The following APBB1IP variants were observed in gnomAD, a reference collection of about 807,000 sequenced individuals.
APBB1IP encodes amyloid beta A4 precursor protein-binding family B member 1-interacting protein.
In APBB1IP, 27 loss-of-function variants were observed where a neutral mutation model predicts 64.9. That is an observed-to-expected ratio of 0.42 (90% confidence interval 0.31 to 0.57). The LOEUF (loss-of-function observed/expected upper bound fraction) is 0.57. APBB1IP is among the 20% of genes least tolerant of loss of function. The pLI, the probability that APBB1IP is intolerant of heterozygous loss-of-function variation, is 0.20. For missense variants in APBB1IP, 812 were observed against 845.5 expected, an observed-to-expected ratio of 0.96 and a Z score of 0.49; for synonymous variants, 392 against 331.0, an observed-to-expected ratio of 1.18 and a Z score of -2.00.
At chr10:26,460,538 A>T (rs1329184293) in intron 2 of APBB1IP, among the ~76,000 whole-genome samples, 1 of 152,164 alleles carries the variant, frequency 6.6e-6, no homozygotes, top group Non-Finnish European at 1.5e-5. Context: ...TAGCAAAGAC[A>T]TGGAATCAGC....
At chr10:26,535,626 T>C (rs1836611473) in intron 9 of APBB1IP, among the ~76,000 whole-genome samples, 1 of 152,352 alleles carries the variant, frequency 6.6e-6, no homozygotes, top group South Asian at 2.1e-4. Context: ...TAATAATTGT[T>C]CTATTTACCA....
At chr10:26,545,434 G>A (rs1190866131) in intron 11 of APBB1IP, among the ~76,000 whole-genome samples, 3 of 151,970 alleles carry the variant, frequency 2.0e-5, no homozygotes, top group African/African-American at 2.4e-5. Flanking sequence ...AGACCACCCT[G>A]GCCAAAATGG....
intron 11 of APBB1IP, among the ~76,000 whole-genome samples, chr10:26,547,941 T>G (rs1836787328): frequency 6.6e-6 from 1 of 152,212 alleles, no homozygotes; most frequent in Non-Finnish European, 1.5e-5. Context: ...ACACCTTTGT[T>G]GAAAATCAGT....
At chr10:26,510,952 G>A (rs1179329116) in intron 6 of APBB1IP, among the ~76,000 whole-genome samples, 2 of 152,022 alleles carry the variant, frequency 1.3e-5, no homozygotes, top group Non-Finnish European at 1.5e-5. Flanking sequence ...GAGAATTGTA[G>A]ATTAACCAAC....
intron 14 of APBB1IP, among the ~76,000 whole-genome samples, chr10:26,564,042 G>GA (rs1431104379): frequency 6.8e-6 from 1 of 147,030 alleles, no homozygotes; most frequent in African/African-American, 2.4e-5. Flanking sequence ...TAAATAAAAA[G>GA]AAAAAATACA....
intron 2 of APBB1IP, among the ~76,000 whole-genome samples, chr10:26,454,531 C>A (rs963512029): frequency 7.0e-5 from 10 of 142,682 alleles, no homozygotes; most frequent in African/African-American, 2.8e-4. Context: ...CAATTGAACT[C>A]ATGGAGGTAG....
Position 26,567,646 on chromosome 10 carries a change from A to G in APBB1IP, c.*158A>G, listed in dbSNP as rs992155669. On this transcript the variant is annotated 3_prime_UTR_variant, in exon 15 of 15. Transcript: ENST00000376236. ...GTACAGGCATAACCATTAACCCAGT[A>G]GAGTTCAGAATATCTGCCCAAATGT... The G allele has an allele frequency of 4.3e-6, 6 of 1,390,524 alleles. No homozygotes were observed. In the Admixed American group the frequency reaches 9.6e-5, roughly 22 times the overall value. 86.1% of individuals were successfully genotyped at this position (1,390,524 alleles called of 1,614,324 possible).
chr10:26,500,384 G>A (rs1836082051), intron 4 of APBB1IP, among the ~76,000 whole-genome samples: 1 of 152,128 alleles, frequency 6.6e-6, no homozygotes, highest in African/African-American at 2.4e-5. Flanking sequence ...AATAGCAGCA[G>A]TACTCTCTTT....
intron 2 of APBB1IP, among the ~76,000 whole-genome samples, chr10:26,448,491 A>G (rs1835426499): frequency 6.6e-6 from 1 of 152,244 alleles, no homozygotes; most frequent in Non-Finnish European, 1.5e-5. Context: ...TGGGCAGTGC[A>G]GATTGAGATA....
rs1835638020 is a variant in APBB1IP at position 26,465,471 on chromosome 10, T to TA, written c.-1+26619dup. On this transcript the variant is annotated intron_variant, in intron 2 of 14. Coordinates refer to ENST00000376236, the MANE Select transcript of APBB1IP (RefSeq NM_019043.4). ...GTAATAATGCTGACATTTTATATAT[T>TA]ATGTGTCATAATGATATAATAATTA... Among the ~76,000 whole-genome samples, 6 of 152,238 alleles carry TA rather than the reference T, an allele frequency of 3.9e-5. No homozygotes were observed. The South Asian group carries it at 1.0e-3, about 26-fold the overall frequency.
At chr10:26,525,143 G>A (rs191004795) in intron 8 of APBB1IP, among the ~76,000 whole-genome samples, 15 of 151,452 alleles carry the variant, frequency 9.9e-5, no homozygotes, top group Non-Finnish European at 1.5e-4. Flanking sequence ...TTAGCTGGGC[G>A]GGGTGACACA....
At chr10:26,442,511 A>G (rs1589186684) in intron 2 of APBB1IP, among the ~76,000 whole-genome samples, 1 of 152,206 alleles carries the variant, frequency 6.6e-6, no homozygotes, top group East Asian at 1.9e-4. Flanking sequence ...TAAAAGCTAA[A>G]TCACACAGCA....
chr10:26,499,268 A>G (rs1297456129), intron 4 of APBB1IP, among the ~76,000 whole-genome samples: 1 of 152,024 alleles, frequency 6.6e-6, no homozygotes, highest in Non-Finnish European at 1.5e-5. Context: ...ATGAGCCGAG[A>G]TCATGCTGCT....
chr10:26,491,274 T>A (rs927949748), intron 2 of APBB1IP, among the ~76,000 whole-genome samples: 41 of 151,348 alleles, frequency 2.7e-4, no homozygotes, highest in African/African-American at 9.5e-4. Context: ...CAAGACTCCA[T>A]CTAAAAAAAG....
intron 3 of APBB1IP, among the ~76,000 whole-genome samples, chr10:26,494,168 A>G (rs1054610155): frequency 1.3e-5 from 2 of 152,194 alleles, no homozygotes; most frequent in African/African-American, 2.4e-5. Flanking sequence ...AGTACCCTCA[A>G]AGGAATGTGA....
At chr10:26,510,743 C>T (rs2132445176) in intron 6 of APBB1IP, among the ~76,000 whole-genome samples, 1 of 150,190 alleles carries the variant, frequency 6.7e-6, no homozygotes, top group Admixed American at 6.6e-5. Context: ...CTCACACACA[C>T]ACACACACAC....
At chr10:26,440,191 C>A (rs779272596) in intron 2 of APBB1IP, among the ~76,000 whole-genome samples, 89 of 152,154 alleles carry the variant, frequency 5.8e-4, no homozygotes, top group Non-Finnish European at 1.1e-3. Context: ...TATATCTCCC[C>A]CATCTAGATA....
chr10:26,526,950 C>T (rs1375863148), intron 8 of APBB1IP, among the ~76,000 whole-genome samples: 2 of 152,206 alleles, frequency 1.3e-5, no homozygotes, highest in African/African-American at 4.8e-5. Context: ...GACAGAAACA[C>T]AACTTCTTTG....
At chr10:26,509,792 T>G (rs1342800597) in intron 6 of APBB1IP, 1 of 152,200 alleles carries the variant, frequency 6.6e-6, no homozygotes, top group Non-Finnish European at 1.5e-5. Flanking sequence ...AATCACTTTT[T>G]TAATAACAAT....
Sources: allele counts gnomAD v4.1 joint callset (sites outside exome capture counted in the v4.1 genomes callset), GRCh38; gene constraint gnomAD v4.1.1; transcripts MANE v1.5; gene names NCBI Gene and HGNC (gene_info 2026-07-23, HGNC 2026-07-21).